The following MAP2K5 variants were observed in gnomAD, a reference collection of about 807,000 sequenced individuals.
The protein encoded by MAP2K5 is mitogen-activated protein kinase kinase 5, also known as dual specificity mitogen-activated protein kinase kinase 5.
Under a neutral mutation model 83.1 loss-of-function variants are expected in MAP2K5, and 49 were observed. The ratio of observed to expected loss-of-function variants is 0.59; its 90% CI spans 0.47 to 0.75. The LOEUF is 0.75. Among genes scored for constraint, MAP2K5 ranks in the 30% least tolerant of loss-of-function variants. The pLI is 0.00. For missense variants in MAP2K5, 457 were observed against 557.5 expected, an observed-to-expected ratio of 0.82 and a Z score of 1.82; for synonymous variants, 202 against 191.8, an observed-to-expected ratio of 1.05 and a Z score of -0.44.
At position 67,692,408 on chromosome 15, in the gene MAP2K5, G is replaced by T. The variant is rs367827973; in HGVS notation, c.848-71G>T. On this transcript the variant is annotated intron_variant, in intron 13 of 21. Transcript: ENST00000178640. ...TTCTGCAACTTGGTGTGGTGTGCAT[G>T]TGTGCTTTTAAAGAACAAACGCTGT... The T allele has an allele frequency of 2.3e-3, 2,312 of 1,019,124 alleles. 4 individuals carry two copies. Among genetic ancestry groups the T allele is most frequent in the Middle Eastern group, 3.3e-3 (16 of 4,850 alleles). 63.1% of individuals were successfully genotyped at this position (1,019,124 alleles called of 1,614,324 possible). A position where few individuals can be genotyped will look rare whatever the true frequency, so the allele number is the denominator to read the frequency against.
chr15:67,804,402 C>T (rs772880461), intron 21 of MAP2K5, among the ~76,000 whole-genome samples: 3 of 152,276 alleles, frequency 2.0e-5, no homozygotes, highest in East Asian at 3.9e-4. Flanking sequence ...GGTAAAGTAT[C>T]GGGGATACAA....
chr15:67,770,574 AG>A lies in MAP2K5; in HGVS notation c.1196+912del. Among the ~76,000 whole-genome samples, 1 of 152,304 alleles carries A rather than the reference AG, an allele frequency of 6.6e-6. No homozygotes were observed. Among genetic ancestry groups the A allele is most frequent in the South Asian group, 2.1e-4 (1 of 4,824 alleles). The stretch of plus-strand genomic sequence containing the variant: ...CTTTCCCTCCTTCACCAAAGTCCAG[AG>A]TCATGTCCACTGGTGGAAAATGAAT... On this transcript the variant is annotated intron_variant, in intron 20 of 21. Coordinates refer to ENST00000178640, the MANE Select transcript of MAP2K5 (RefSeq NM_145160.3). This position sits in a 1 kb window ranked among gnomAD's most constrained non-coding sequence, Gnocchi z 5.0.
At chr15:67,662,351 C>A (rs2087258023) in intron 12 of MAP2K5, among the ~76,000 whole-genome samples, 1 of 152,120 alleles carries the variant, frequency 6.6e-6, no homozygotes, top group Admixed American at 6.5e-5. Flanking sequence ...CCTTTTCTTA[C>A]CATTTTCAAG....
chr15:67,612,285 G>C (rs1480157768), intron 8 of MAP2K5, among the ~76,000 whole-genome samples: 1 of 152,028 alleles, frequency 6.6e-6, no homozygotes, highest in Non-Finnish European at 1.5e-5. Context: ...TAAATGGATT[G>C]GAGAATAACA....
At chr15:67,693,265 T>C (rs6494690) in intron 14 of MAP2K5, among the ~76,000 whole-genome samples, 149,649 of 152,324 alleles carry the variant, frequency 0.98, 73,579 homozygotes, top group Middle Eastern at 1. Flanking sequence ...AAGCGATAAG[T>C]ATCCTGCTTA....
In MAP2K5 at chr15:67,777,220, C is replaced by G. The variant is rs999925075; in HGVS notation, c.1242+4468C>G. Among the ~76,000 whole-genome samples the G allele has an allele frequency of 9.9e-5, 15 of 152,220 alleles. No individual in the cohort carries two copies. The highest frequency in any genetic ancestry group is 3.6e-4 in the African/African-American group (15 of 41,504). ...GGCTTTGCACCAGCTGTCAGGCAGCCCTTTAACTTCCCTGCCTAGCCTGAT... is the reference window on the plus strand; with the variant it reads ...GGCTTTGCACCAGCTGTCAGGCAGCGCTTTAACTTCCCTGCCTAGCCTGAT... On this transcript the variant is annotated intron_variant, in intron 21 of 21. Transcript: ENST00000178640. The surrounding 1 kb of genome is among the most constrained non-coding windows in gnomAD (Gnocchi z 6.0).
chr15:67,543,781 T>C lies in MAP2K5; in HGVS notation c.135+311T>C, dbSNP rs1288622386. Among the ~76,000 whole-genome samples, 1 of 152,134 alleles carries C rather than the reference T, an allele frequency of 6.6e-6. No homozygotes were observed. The highest frequency in any genetic ancestry group is 2.4e-5 in the African/African-American group (1 of 41,424). On this transcript the variant is annotated intron_variant, in intron 1 of 21. Transcript: ENST00000178640. The surrounding 1 kb of genome is among the most constrained non-coding windows in gnomAD (Gnocchi z 4.3). ...TGCTGAATCTAGAAGAGAGGTTTTT[T>C]CCCCCCAAGTGTTTCGGGGAATGTC...
At chr15:67,612,967 C>T (rs142919254) in intron 8 of MAP2K5, among the ~76,000 whole-genome samples, 24 of 140,674 alleles carry the variant, frequency 1.7e-4, no homozygotes, top group African/African-American at 4.6e-4. Flanking sequence ...CTTTGTACTG[C>T]AGTATTGAAG....
chr15:67,648,437 G>C lies in MAP2K5; in HGVS notation c.736+1968G>C, dbSNP rs751561944. On this transcript the variant is annotated intron_variant, in intron 11 of 21. Coordinates refer to ENST00000178640, the MANE Select transcript of MAP2K5 (RefSeq NM_145160.3). The stretch of plus-strand genomic sequence containing the variant: ...CCTTTTTATTGCTGAATAACATTTC[G>C]TTGTATGGCTATACTACATTTTGTT... Among the ~76,000 whole-genome samples the C allele has an allele frequency of 4.6e-5, 7 of 151,960 alleles. No homozygotes were observed. In the East Asian group the frequency reaches 1.2e-3, roughly 25 times the overall value.
At position 67,554,349 on chromosome 15, in the gene MAP2K5, G is replaced by A. The variant is rs564708489; in HGVS notation, c.184+4267G>A. 7.9e-5 allele frequency among the ~76,000 whole-genome samples: 12 copies of A among 152,244 alleles called. No homozygotes were observed. The East Asian group carries it at 9.6e-4, about 12-fold the overall frequency. The stretch of plus-strand genomic sequence containing the variant: ...GTTGGGATTACAGGTGTGAGCCACC[G>A]CACCTGGCCTTATAGTAATACATTT... On this transcript the variant is annotated intron_variant, in intron 2 of 21. Transcript: ENST00000178640.
chr15:67,591,612 A>C (rs1567295478), intron 6 of MAP2K5, among the ~76,000 whole-genome samples: 4 of 151,062 alleles, frequency 2.6e-5, no homozygotes, highest in African/African-American at 9.7e-5. Context: ...CTCGTGATCC[A>C]CCTGCACCAG....
intron 12 of MAP2K5, among the ~76,000 whole-genome samples, chr15:67,663,763 T>C (rs1413717886): frequency 6.6e-6 from 1 of 152,144 alleles, no homozygotes; most frequent in East Asian, 1.9e-4. Context: ...TAGTCCCACC[T>C]ACTCAGGAGG....
chr15:67,617,027 G>C (rs892128347), intron 8 of MAP2K5, among the ~76,000 whole-genome samples: 1 of 152,110 alleles, frequency 6.6e-6, no homozygotes, highest in African/African-American at 2.4e-5. Flanking sequence ...TAGAACAGTG[G>C]CAATACTATC....
chr15:67,664,535 TG>T, intron 12 of MAP2K5, 61 bp from the exon 13 acceptor site: 1 of 1,091,810 alleles, frequency 9.2e-7, no homozygotes, highest in Non-Finnish European at 1.4e-6. Context: ...TATTTAAATA[TG>T]GAAAGTTCCT....
intron 15 of MAP2K5, among the ~76,000 whole-genome samples, chr15:67,697,637 A>G (rs2088299342): frequency 2.0e-5 from 3 of 152,202 alleles, no homozygotes; most frequent in Admixed American, 2.0e-4. Context: ...CTGCATTCCA[A>G]AAGTGTCTTG....
chr15:67,617,236 C>T (rs982725874), intron 8 of MAP2K5, among the ~76,000 whole-genome samples: 1 of 152,046 alleles, frequency 6.6e-6, no homozygotes, highest in African/African-American at 2.4e-5. Context: ...GATTATAGGC[C>T]AGCCTCCCCC....
At chr15:67,761,027 C>G (rs1162028640) in intron 19 of MAP2K5, among the ~76,000 whole-genome samples, 1 of 152,046 alleles carries the variant, frequency 6.6e-6, no homozygotes, top group Admixed American at 6.6e-5. Flanking sequence ...AGATTCCAAA[C>G]TGGTCGGCTG....
Position 67,658,606 on chromosome 15 carries a change from G to T in MAP2K5, c.790G>T (p.Ala264Ser). Residue 264 changes from alanine (A) to serine (S), a missense_variant, in exon 12 of 22, where the codon GCA becomes TCA. Transcript: ENST00000178640. ...GCCAGAACATGTCCTTGGAAGAATTGCAGTAGCAGTAAGTATATGGCTTCA... is the reference window on the plus strand; with the variant it reads ...GCCAGAACATGTCCTTGGAAGAATTTCAGTAGCAGTAAGTATATGGCTTCA... The part of the protein sequence containing the change: ...KMPEHVLGRI[A>S]VAVVKGLTYL... 6.2e-7 allele frequency: 1 copy of T among 1,611,086 alleles called. No individual in the cohort carries two copies. Among genetic ancestry groups the T allele is most frequent in the South Asian group, 1.1e-5 (1 of 91,020 alleles).
At chr15:67,653,709 T>C (rs1021908328) in intron 11 of MAP2K5, among the ~76,000 whole-genome samples, 1 of 152,096 alleles carries the variant, frequency 6.6e-6, no homozygotes, top group Non-Finnish European at 1.5e-5. Flanking sequence ...TATTTTCTTT[T>C]TTTCTGCTTT....
Sources: gnomAD v4.1 joint callset for allele counts (sites outside exome capture counted in the v4.1 genomes callset) on GRCh38, gnomAD v4.1.1 for gene constraint, Gnocchi (gnomAD v3.1) non-coding constraint, MANE v1.5 for transcripts, NCBI Gene and HGNC (gene_info 2026-07-23, HGNC 2026-07-21) for gene names.